The following FAM78B variants were observed in gnomAD, a reference collection of about 807,000 sequenced individuals.
The protein encoded by FAM78B is protein FAM78B.
Under a neutral mutation model 20.0 loss-of-function variants are expected in FAM78B, and 10 were observed. That is an observed-to-expected ratio of 0.50 (90% CI 0.31 to 0.85). FAM78B has a LOEUF of 0.85. Ranked by LOEUF, FAM78B falls within the 40% of genes least tolerant of loss-of-function variation. The pLI, the probability that FAM78B is intolerant of heterozygous loss-of-function variation, is 0.05. For missense variants in FAM78B, 283 were observed against 345.0 expected (o/e 0.82, Z 1.42); for synonymous variants, 135 against 132.8 (o/e 1.02, Z -0.12).
intron 1 of FAM78B, among the ~76,000 whole-genome samples, chr1:166,109,828 A>ATG (rs1339670665): frequency 1.1e-4 from 2 of 18,858 alleles, no homozygotes; most frequent in Non-Finnish European, 2.2e-4. Flanking sequence ...ATATATATAT[A>ATG]TATGTATATA....
At chr1:166,064,924 A>G (rs1176587964), downstream of FAM78B, among the ~76,000 whole-genome samples, 1 of 152,254 alleles carries the variant, frequency 6.6e-6, no homozygotes, top group East Asian at 1.9e-4. Context: ...AGCTACCAGC[A>G]GGACCTCCAA....
intron 1 of FAM78B, among the ~76,000 whole-genome samples, chr1:166,080,827 T>C (rs1477882314): frequency 1.3e-5 from 2 of 152,170 alleles, no homozygotes; most frequent in Non-Finnish European, 2.9e-5. Flanking sequence ...GAAATAACAG[T>C]GCATGGTGGG....
At chr1:166,077,838 T>A (rs1286089910) in intron 1 of FAM78B, among the ~76,000 whole-genome samples, 3 of 92,318 alleles carry the variant, frequency 3.2e-5, no homozygotes, top group African/African-American at 1.0e-4. Flanking sequence ...ATATATAATT[T>A]ATATATATAA....
chr1:166,091,006 A>G (rs1385994514), intron 1 of FAM78B, among the ~76,000 whole-genome samples: 2 of 152,200 alleles, frequency 1.3e-5, no homozygotes, highest in Non-Finnish European at 2.9e-5. Context: ...GGAGGTGAAG[A>G]AACTGGCCTA....
At chr1:166,061,250 GT>G (rs1310021000) in intron 2 of FAM78B, among the ~76,000 whole-genome samples, 1 of 152,198 alleles carries the variant, frequency 6.6e-6, no homozygotes, top group Non-Finnish European at 1.5e-5. Context: ...GTGAACTAAA[GT>G]TTTAAAATTA....
At chr1:166,113,945 G>T (rs928978422) in intron 1 of FAM78B, among the ~76,000 whole-genome samples, 1 of 152,198 alleles carries the variant, frequency 6.6e-6, no homozygotes, top group African/African-American at 2.4e-5. Context: ...TCAAACACAG[G>T]TCAAAAGAAA....
chr1:166,119,046 T>C (rs1202770899), intron 1 of FAM78B, among the ~76,000 whole-genome samples: 2 of 152,142 alleles, frequency 1.3e-5, no homozygotes, highest in East Asian at 1.9e-4. Context: ...CAGAACCGGC[T>C]TCAAACTGCT....
chr1:166,084,224 C>CACACACACAT (rs1553215966), intron 1 of FAM78B, among the ~76,000 whole-genome samples: 5 of 132,580 alleles, frequency 3.8e-5, no homozygotes, highest in African/African-American at 1.5e-4. Context: ...CACACACACA[C>CACACACACAT]ACACACACAC....
rs374038216 is a variant in FAM78B at position 166,166,265 on chromosome 1, G to C, written c.-17C>G. 1 of 1,366,294 alleles carries C rather than the reference G, an allele frequency of 7.3e-7. No homozygotes were observed. Among genetic ancestry groups the C allele is most frequent in the African/African-American group, 1.5e-5 (1 of 66,524 alleles). The allele number at this position is 1,366,294 out of a possible 1,614,324, so 84.6% of individuals were successfully genotyped here. On this transcript the variant is annotated 5_prime_UTR_variant, in exon 1 of 2. Coordinates refer to ENST00000354422, the MANE Select transcript of FAM78B (RefSeq NM_001017961.5). ...ACAGCCCATCCTGCAGCCCGGTGCC[G>C]GCACGGCGCGGCGTGGGGCAGCGCG...
chr1:166,071,415 G>A lies in FAM78B; in HGVS notation c.264-652C>T, dbSNP rs143045074. Among the ~76,000 whole-genome samples the A allele has an allele frequency of 1.8e-4, 27 of 152,232 alleles. No individual in the cohort carries two copies. The East Asian group carries it at 2.3e-3, about 13-fold the overall frequency. ...AGGCTGGCATACACTCTAATGCACC[G>A]CTCTCCCATTGCCTTCCAGTCCAGC... is the stretch of plus-strand genomic sequence containing the variant. On this transcript the variant is annotated intron_variant, in intron 1 of 1. Coordinates refer to ENST00000354422, the MANE Select transcript of FAM78B (RefSeq NM_001017961.5).
chr1:166,111,076 T>C (rs1357294535), intron 1 of FAM78B, among the ~76,000 whole-genome samples: 1 of 152,094 alleles, frequency 6.6e-6, no homozygotes, highest in Non-Finnish European at 1.5e-5. Context: ...GGTCTCTGTG[T>C]GAAGATAAGC....
chr1:166,098,254 T>C (rs1412136892), intron 1 of FAM78B, among the ~76,000 whole-genome samples: 2 of 152,078 alleles, frequency 1.3e-5, no homozygotes, highest in Non-Finnish European at 2.9e-5. Flanking sequence ...GACCTTCCCT[T>C]TGACAGAGAC....
intron 1 of FAM78B, among the ~76,000 whole-genome samples, chr1:166,162,576 ACT>A (rs1298886876): frequency 4.6e-5 from 7 of 152,136 alleles, no homozygotes; most frequent in Non-Finnish European, 1.0e-4. Context: ...TCAGCGTTGT[ACT>A]CCAGCATTCA....
intron 1 of FAM78B, among the ~76,000 whole-genome samples, chr1:166,073,920 T>C (rs1444436655): frequency 6.6e-6 from 1 of 152,200 alleles, no homozygotes; most frequent in Non-Finnish European, 1.5e-5. Context: ...TTTTGCCCCA[T>C]AAGTGATACT....
chr1:166,065,914 G>A (rs182849792), downstream of FAM78B, among the ~76,000 whole-genome samples: 87 of 152,342 alleles, frequency 5.7e-4, no homozygotes, highest in Admixed American at 1.8e-3. Context: ...TGAAGAGTAT[G>A]TGAGTGTGGC....
At chr1:166,144,378 T>C (rs1442767157) in intron 1 of FAM78B, among the ~76,000 whole-genome samples, 1 of 152,148 alleles carries the variant, frequency 6.6e-6, no homozygotes, top group African/African-American at 2.4e-5. Flanking sequence ...CAGATGGCAA[T>C]ACATTTGTAG....
At chr1:166,143,213 G>C (rs999609265) in intron 1 of FAM78B, among the ~76,000 whole-genome samples, 1 of 152,114 alleles carries the variant, frequency 6.6e-6, no homozygotes, top group Non-Finnish European at 1.5e-5. Flanking sequence ...GTAGAGGCTG[G>C]GACAGTGGCA....
chr1:166,101,538 A>G (rs1457863896), intron 1 of FAM78B, among the ~76,000 whole-genome samples: 3 of 152,250 alleles, frequency 2.0e-5, no homozygotes, highest in Non-Finnish European at 4.4e-5. Flanking sequence ...GCTGAAAACC[A>G]TACCACAAGA....
chr1:166,162,356 C>A (rs553771660), intron 1 of FAM78B, among the ~76,000 whole-genome samples: 1 of 152,340 alleles, frequency 6.6e-6, no homozygotes, highest in African/African-American at 2.4e-5. Context: ...AAGTTTCACA[C>A]AGGCCAAACT....
Sources: allele counts gnomAD v4.1 joint callset (sites outside exome capture counted in the v4.1 genomes callset), GRCh38; gene constraint gnomAD v4.1.1; transcripts MANE v1.5; gene names NCBI Gene and HGNC (gene_info 2026-07-23, HGNC 2026-07-21).